GLIPR1: variants seen among roughly 807,000 people sequenced by gnomAD.
GLIPR1 encodes GLI pathogenesis related 1, also known as glioma pathogenesis-related protein 1.
Under a neutral mutation model 30.3 loss-of-function variants are expected in GLIPR1, and 38 were observed. The ratio of observed to expected loss-of-function variants is 1.26; its 90% CI spans 0.97 to 1.65. GLIPR1 has a LOEUF of 1.65. Among genes scored for constraint, GLIPR1 ranks in the 40% most tolerant of loss-of-function variants. GLIPR1 has a pLI of 0.00. For synonymous variants in GLIPR1, 122 were observed against 110.6 expected (o/e 1.10, Z -0.65); for missense variants, 285 against 326.5 (o/e 0.87, Z 0.98).
Position 75,499,134 on chromosome 12 carries a change from T to C in GLIPR1, c.*156T>C, listed in dbSNP as rs866131402. On this transcript the variant is annotated 3_prime_UTR_variant, in exon 6 of 6. Coordinates refer to ENST00000266659, the MANE Select transcript of GLIPR1 (RefSeq NM_006851.3). Reference sequence around the variant, plus strand: ...TACTCAAAAGAAGAAATTTCCTAACTCTATCAGATAAACTCATCTTTAGTA... The same window carrying C: ...TACTCAAAAGAAGAAATTTCCTAACCCTATCAGATAAACTCATCTTTAGTA... The C allele has an allele frequency of 2.1e-6, 1 of 483,682 alleles. No homozygotes were observed. Among genetic ancestry groups the C allele is most frequent in the African/African-American group, 2.0e-5 (1 of 49,408 alleles). 30.0% of individuals were successfully genotyped at this position (483,682 alleles called of 1,614,324 possible). A position where few individuals can be genotyped will look rare whatever the true frequency, so the allele number is the denominator to read the frequency against.
rs1594053831 is a variant in GLIPR1 at position 75,481,700 on chromosome 12, C to T, written c.175-134C>T. ...CCAGCCCTACTCAGTGCTTGAAGACCATATTTATAGAGGACTCATATGCAG... is the reference window on the plus strand; with the variant it reads ...CCAGCCCTACTCAGTGCTTGAAGACTATATTTATAGAGGACTCATATGCAG... On this transcript the variant is annotated intron_variant, in intron 1 of 5. Coordinates refer to ENST00000266659, the MANE Select transcript of GLIPR1 (RefSeq NM_006851.3). 8.0e-6 allele frequency: 6 copies of T among 746,386 alleles called. No homozygotes were observed. In the East Asian group the frequency reaches 1.5e-4, roughly 18 times the overall value. 46.2% of individuals were successfully genotyped at this position (746,386 alleles called of 1,614,324 possible).
Position 75,499,028 on chromosome 12 carries a change from C to CTT in GLIPR1, c.*58_*59dup. The CTT allele has an allele frequency of 7.9e-7, 1 of 1,269,610 alleles. No homozygotes were observed. 78.6% of individuals were successfully genotyped at this position (1,269,610 alleles called of 1,614,324 possible). On this transcript the variant is annotated 3_prime_UTR_variant, in exon 6 of 6. Transcript: ENST00000266659. ...AAAAACCAACCTCATTCACATATGG[C>CTT]TTTTTTTTTAACCAATAACAATTAG...
At chr12:75,481,757 T>G in intron 1 of GLIPR1, 77 bp from the exon 2 acceptor site, 7 of 1,353,532 alleles carry the variant, frequency 5.2e-6, no homozygotes, top group Non-Finnish European at 7.3e-6. Flanking sequence ...CACCTCGTTT[T>G]CCATTCAAAT....
chr12:75,487,814 G>A (rs2046300700), intron 2 of GLIPR1: 1 of 456,092 alleles, frequency 2.2e-6, no homozygotes, highest in Non-Finnish European at 4.4e-6. Context: ...TCCAGGGTGA[G>A]TCCGTAAAGT....
In GLIPR1 at chr12:75,503,723, C is replaced by T. The variant is rs2046409381; in HGVS notation, c.*4745C>T. The T allele has an allele frequency of 4.1e-6, 2 of 491,104 alleles. No individual in the cohort carries two copies. Among genetic ancestry groups the T allele is most frequent in the South Asian group, 4.4e-5 (1 of 22,882 alleles). The allele number at this position is 491,104 out of a possible 1,614,324, so 30.4% of individuals were successfully genotyped here. On this transcript the variant is annotated 3_prime_UTR_variant, in exon 6 of 6. Transcript: ENST00000266659. ...CAATGTGAACGCCCCACTGCACACC[C>T]CCATGCACTCAGCTCAAAATATGCC...
intron 2 of GLIPR1, chr12:75,489,847 C>T (rs1400083523): frequency 6.6e-6 from 1 of 152,494 alleles, no homozygotes; most frequent in Non-Finnish European, 1.5e-5. Context: ...GAACATAGCA[C>T]TCACAAGAAT....
chr12:75,495,803 T>G (rs978365525), intron 4 of GLIPR1, 141 bp downstream of exon 4: 1 of 558,322 alleles, frequency 1.8e-6, no homozygotes, highest in Admixed American at 2.9e-5. Flanking sequence ...ACCAATGGCT[T>G]ACTGTTCTAG....
rs2046390737 is a variant in GLIPR1, at chr12:75,501,096, T to C, written c.*2118T>C. 6.6e-6 allele frequency: 1 copy of C among 152,114 alleles called. No homozygotes were observed. The highest frequency in any genetic ancestry group is 6.6e-5 in the Admixed American group (1 of 15,242). The allele number at this position is 152,114 out of a possible 1,614,324, so 9.4% of individuals were successfully genotyped here. ...CACTGTTCACTTTGGAGGGTTACTT[T>C]AGGAAGAGGATAAGTGTTACCACAG... On this transcript the variant is annotated 3_prime_UTR_variant, in exon 6 of 6. Transcript: ENST00000266659.
chr12:75,494,911 G>A (rs963114286), intron 3 of GLIPR1: 1 of 152,124 alleles, frequency 6.6e-6, no homozygotes, highest in Non-Finnish European at 1.5e-5. Flanking sequence ...TTCCTCATAG[G>A]GTTTTTGTGA....
At chr12:75,484,069 T>C (rs568152750) in intron 2 of GLIPR1, 7 of 152,060 alleles carry the variant, frequency 4.6e-5, no homozygotes, top group African/African-American at 1.7e-4. Context: ...TCCCCTTACA[T>C]CTAAGGGAAA....
intron 2 of GLIPR1, chr12:75,487,807 A>G (rs1265894594): frequency 4.4e-6 from 2 of 456,326 alleles, no homozygotes; most frequent in South Asian, 1.5e-5. Context: ...GAGAAAATCC[A>G]GGGTGAGTCC....
intron 4 of GLIPR1, 171 bp from the exon 5 acceptor site, chr12:75,498,523 C>T: frequency 5.7e-6 from 3 of 528,670 alleles, no homozygotes; most frequent in South Asian, 3.1e-5. Flanking sequence ...TTAAAAATAC[C>T]AAGTTAATTC....
chr12:75,491,542 A>C (rs952137357), intron 3 of GLIPR1: 3 of 152,178 alleles, frequency 2.0e-5, no homozygotes, highest in African/African-American at 7.2e-5. Flanking sequence ...AAAGACTGTG[A>C]CCATTTTTGT....
chr12:75,500,051 C>T lies in GLIPR1; in HGVS notation c.*1073C>T, dbSNP rs914343859. 3.4e-5 allele frequency: 29 copies of T among 860,554 alleles called. No homozygotes were observed. The highest frequency in any genetic ancestry group is 5.0e-5 in the Non-Finnish European group (29 of 576,090). The allele number at this position is 860,554 out of a possible 1,614,324, so 53.3% of individuals were successfully genotyped here. ...AAGAATATATGTTTAAGGCAGTTAA[C>T]TTCAGAGTATTCTTATAATTGAATA... is the stretch of plus-strand genomic sequence containing the variant. On this transcript the variant is annotated 3_prime_UTR_variant, in exon 6 of 6. Transcript: ENST00000266659.
At chr12:75,481,362 T>C (rs942343913) in intron 1 of GLIPR1, 14 of 109,724 alleles carry the variant, frequency 1.3e-4, no homozygotes, top group South Asian at 3.5e-4. Flanking sequence ...GTTTTCTTTT[T>C]TTTTTTTTTT....
chr12:75,488,029 G>C (rs2046301661), intron 2 of GLIPR1, among the ~76,000 whole-genome samples: 1 of 152,200 alleles, frequency 6.6e-6, no homozygotes, highest in East Asian at 1.9e-4. Flanking sequence ...TGTCATGGTG[G>C]GAGTGCAGCA....
rs776295153 is a variant in GLIPR1 at position 75,501,832 on chromosome 12, A to G, written c.*2854A>G. 5 of 1,580,908 alleles carry G rather than the reference A, an allele frequency of 3.2e-6. No homozygotes were observed. The South Asian group carries it at 5.7e-5, about 18-fold the overall frequency. On this transcript the variant is annotated 3_prime_UTR_variant, in exon 6 of 6. Coordinates refer to ENST00000266659, the MANE Select transcript of GLIPR1 (RefSeq NM_006851.3). The stretch of plus-strand genomic sequence containing the variant: ...CTTGTTTAGCCTACATTAATAAATA[A>G]AAAATATATCAGTTAAATGTATTTA...
chr12:75,487,933 A>G (rs968806866), intron 2 of GLIPR1: 2 of 327,280 alleles, frequency 6.1e-6, no homozygotes, highest in Non-Finnish European at 1.2e-5. Context: ...TCTTGATGAT[A>G]TGTTAAACAA....
rs371943205 is a variant in GLIPR1, at chr12:75,481,039, T to C, written c.159T>C (p.Ser53=). 15 of 1,612,752 alleles carry C rather than the reference T, an allele frequency of 9.3e-6. No individual in the cohort carries two copies. Among genetic ancestry groups the C allele is most frequent in the Non-Finnish European group, 1.3e-5 (15 of 1,178,918 alleles). Residue 53 remains serine, a synonymous_variant, in exon 1 of 6, where the codon AGT becomes AGC. Coordinates refer to ENST00000266659, the MANE Select transcript of GLIPR1 (RefSeq NM_006851.3). Reference sequence around the variant, plus strand: ...GATCAGAGGTGAAACCAACAGCCAGTGATATGCTATACATGGTAAGGAAAA... The same window carrying C: ...GATCAGAGGTGAAACCAACAGCCAGCGATATGCTATACATGGTAAGGAAAA... The part of the protein sequence containing the change: ...KFRSEVKPTA[S]DMLYMTWDPA...
Sources: gnomAD v4.1 joint callset for allele counts (sites outside exome capture counted in the v4.1 genomes callset) on GRCh38, gnomAD v4.1.1 for gene constraint, MANE v1.5 for transcripts, NCBI Gene and HGNC (gene_info 2026-07-23, HGNC 2026-07-21) for gene names.